KDSR: variants seen among roughly 807,000 people sequenced by gnomAD.
KDSR encodes the protein 3-ketodihydrosphingosine reductase.
Under a neutral mutation model 41.3 loss-of-function variants are expected in KDSR, and 23 were observed. The observed-to-expected ratio is 0.56, with a 90% CI of 0.40 to 0.79. KDSR has a LOEUF of 0.79. Among genes scored for constraint, KDSR ranks in the 30% least tolerant of loss-of-function variants. The probability of loss-of-function intolerance (pLI) is 0.00; values close to 1 mark genes in which losing one functional copy is unlikely to be tolerated. For missense variants in KDSR, 351 were observed against 416.8 expected (o/e 0.84, Z 1.37); for synonymous variants, 138 against 151.7 (o/e 0.91, Z 0.66).
rs1914643179 is a variant in KDSR, at chr18:63,350,915, C to T, written c.582G>A (p.Arg194=). 1 of 1,613,492 alleles carries T rather than the reference C, an allele frequency of 6.2e-7. No individual in the cohort carries two copies. Among genetic ancestry groups the T allele is most frequent in the Non-Finnish European group, 8.5e-7 (1 of 1,179,718 alleles). The change falls in exon 6 of 10, where the codon AGG becomes AGA. Residue 194 remains arginine (R), a synonymous_variant. Transcript: ENST00000645214. ...TAYSASKFAI[R]GLAEALQMEV... is the part of the protein sequence containing the mutation. Reference sequence around the variant, plus strand: ...CCATCTGCAAAGCTTCTGCCAATCCCCTTATGGCAAACTTGGATGCAGAGT... The same window carrying T: ...CCATCTGCAAAGCTTCTGCCAATCCTCTTATGGCAAACTTGGATGCAGAGT...
chr18:63,358,665 A>T (rs528676092), intron 3 of KDSR, among the ~76,000 whole-genome samples: 8 of 151,916 alleles, frequency 5.3e-5, no homozygotes, highest in Non-Finnish European at 1.2e-4. Context: ...TACAAAAAAA[A>T]TTAGCCGGGT....
chr18:63,357,588 A>ATTTTTT (rs1162409539), intron 3 of KDSR, among the ~76,000 whole-genome samples: 2 of 62,968 alleles, frequency 3.2e-5, no homozygotes, highest in South Asian at 8.1e-4. Context: ...ATATATATAT[A>ATTTTTT]TATATATTTT....
Position 63,329,771 on chromosome 18 carries a change from AAT to A in KDSR, c.*2009_*2010del, listed in dbSNP as rs1435413084. ...CAGACACTTTCTTGGACTAGATTCT[AAT>A]ATAGATCAGCAGTAGAAGGTGCCAA... On this transcript the variant is annotated 3_prime_UTR_variant, in exon 10 of 10. Transcript: ENST00000645214. The A allele has an allele frequency of 1.0e-5, 2 of 194,370 alleles. No individual in the cohort carries two copies. Among genetic ancestry groups the A allele is most frequent in the Non-Finnish European group, 2.1e-5 (2 of 93,444 alleles). The allele number at this position is 194,370 out of a possible 1,614,324, so 12.0% of individuals were successfully genotyped here.
chr18:63,327,762 T>C lies in KDSR; in HGVS notation c.*4020A>G, dbSNP rs1913847894. 1 of 183,298 alleles carries C rather than the reference T, an allele frequency of 5.5e-6. No individual in the cohort carries two copies. 11.4% of individuals were successfully genotyped at this position (183,298 alleles called of 1,614,324 possible). On this transcript the variant is annotated 3_prime_UTR_variant, in exon 10 of 10. Transcript: ENST00000645214. Reference sequence around the variant, plus strand: ...GTAAGTCTTGTTCCCCATTTATTTTTTTGTTGTGATTCAGAAATACAAGGT... The same window carrying C: ...GTAAGTCTTGTTCCCCATTTATTTTCTTGTTGTGATTCAGAAATACAAGGT...
chr18:63,332,034 T>A, intron 9 of KDSR, 133 bp from the exon 10 acceptor site: 2 of 886,776 alleles, frequency 2.3e-6, no homozygotes, highest in Non-Finnish European at 3.4e-6. Context: ...GAAAACTCTG[T>A]AAATGTCAGT....
rs991755385 is a variant in KDSR, at chr18:63,330,309, G to A, written c.*1473C>T. On this transcript the variant is annotated 3_prime_UTR_variant, in exon 10 of 10. Transcript: ENST00000645214. ...TTTTCTCACCGAAGTGATCTGGAATGTGCTACCGTATATGCAAGGAAGACA... is the reference window on the plus strand; with the variant it reads ...TTTTCTCACCGAAGTGATCTGGAATATGCTACCGTATATGCAAGGAAGACA... 42 of 220,234 alleles carry A rather than the reference G, an allele frequency of 1.9e-4. No individual in the cohort carries two copies. Among genetic ancestry groups the A allele is most frequent in the African/African-American group, 9.4e-4 (42 of 44,724 alleles). 13.6% of individuals were successfully genotyped at this position (220,234 alleles called of 1,614,324 possible).
chr18:63,335,703 A>G (rs1233627169), intron 8 of KDSR: 1 of 172,096 alleles, frequency 5.8e-6, no homozygotes, highest in Admixed American at 6.1e-5. Flanking sequence ...AAACTGTACT[A>G]GGAGTCATTG....
chr18:63,366,227 T>C (rs1915131664), intron 1 of KDSR: 1 of 152,286 alleles, frequency 6.6e-6, no homozygotes, highest in South Asian at 2.1e-4. Context: ...ATATGCGAGC[T>C]TCCGCCAAGA....
chr18:63,360,992 TAA>T (rs377005462), intron 2 of KDSR, among the ~76,000 whole-genome samples: 1 of 113,504 alleles, frequency 8.8e-6, no homozygotes, highest in East Asian at 2.5e-4. Flanking sequence ...CTGTCTCTAC[TAA>T]AAAAAAAATA....
intron 8 of KDSR, among the ~76,000 whole-genome samples, chr18:63,337,533 T>G (rs565245983): frequency 6.6e-6 from 1 of 152,300 alleles, no homozygotes. Flanking sequence ...TTGTTGACAA[T>G]TTGTAAGAAT....
At chr18:63,342,433 G>A (rs1188553117) in intron 7 of KDSR, among the ~76,000 whole-genome samples, 5 of 152,270 alleles carry the variant, frequency 3.3e-5, no homozygotes, top group Admixed American at 1.3e-4. Flanking sequence ...GAACGGGGAC[G>A]ACCCCAGGAG....
rs1568273025 is a variant in KDSR at position 63,330,152 on chromosome 18, G to C, written c.*1630C>G. On this transcript the variant is annotated 3_prime_UTR_variant, in exon 10 of 10. Coordinates refer to ENST00000645214, the MANE Select transcript of KDSR (RefSeq NM_002035.4). The stretch of plus-strand genomic sequence containing the variant: ...AAAAAGTTAAGTCATTTAAAGTCAA[G>C]AGCTTCAAAAACTCAAGAGCAAAAA... 1 of 193,852 alleles carries C rather than the reference G, an allele frequency of 5.2e-6. No individual in the cohort carries two copies. The allele number at this position is 193,852 out of a possible 1,614,324, so 12.0% of individuals were successfully genotyped here.
intron 1 of KDSR, 22 bp downstream of exon 1, chr18:63,366,989 G>A (rs770690278): frequency 6.5e-6 from 8 of 1,239,964 alleles, no homozygotes; most frequent in Non-Finnish European, 7.3e-6. Flanking sequence ...AAGTCGGGGG[G>A]CAGCAACAGG....
intron 2 of KDSR, 67 bp downstream of exon 2, chr18:63,362,712 G>T: frequency 9.3e-7 from 1 of 1,075,536 alleles, no homozygotes; most frequent in Non-Finnish European, 1.4e-6. Flanking sequence ...AAGATGTTTA[G>T]CACAGCCTCT....
chr18:63,363,111 T>C (rs555514722), intron 1 of KDSR, among the ~76,000 whole-genome samples: 1 of 152,312 alleles, frequency 6.6e-6, no homozygotes, highest in South Asian at 2.1e-4. Context: ...CTATAATATT[T>C]TTCTGAGTTC....
intron 6 of KDSR, 36 bp from the exon 7 acceptor site, chr18:63,344,529 C>G (rs1914440188): frequency 3.3e-6 from 5 of 1,498,054 alleles, no homozygotes; most frequent in Non-Finnish European, 4.7e-6. Flanking sequence ...CTTCAGTAAA[C>G]AAGACACACT....
chr18:63,363,425 T>C (rs367757358), intron 1 of KDSR, among the ~76,000 whole-genome samples: 2 of 122,910 alleles, frequency 1.6e-5, no homozygotes, highest in African/African-American at 6.4e-5. Flanking sequence ...CCTGTGTCCA[T>C]GTGATCTCAT....
chr18:63,344,626 T>C, intron 6 of KDSR, 133 bp from the exon 7 acceptor site: 1 of 597,758 alleles, frequency 1.7e-6, no homozygotes. Flanking sequence ...GGCGGGGAAC[T>C]ACACCAATTG....
At chr18:63,362,960 G>C (rs867414792) in intron 1 of KDSR, 92 bp from the exon 2 acceptor site, 3 of 771,856 alleles carry the variant, frequency 3.9e-6, no homozygotes, top group Admixed American at 2.3e-5. Context: ...CTCTTAAAAT[G>C]AATCTACAAG....
Sources: gnomAD v4.1 joint callset for allele counts (sites outside exome capture counted in the v4.1 genomes callset) on GRCh38, gnomAD v4.1.1 for gene constraint, MANE v1.5 for transcripts, NCBI Gene and HGNC (gene_info 2026-07-23, HGNC 2026-07-21) for gene names.